Variants in THEMIS observed in about 807,000 individuals in gnomAD.
The protein encoded by THEMIS is thymocyte selection associated.
In THEMIS, 37 loss-of-function variants were observed where a neutral mutation model predicts 52.6. The ratio of observed to expected loss-of-function variants is 0.70; its 90% CI spans 0.54 to 0.93. THEMIS has a LOEUF of 0.93. THEMIS is among the 40% of genes least tolerant of loss of function. THEMIS has a pLI of 0.00. For synonymous variants in THEMIS, 292 were observed against 272.7 expected, an observed-to-expected ratio of 1.07 and a Z score of -0.70; for missense variants, 808 against 763.1, an observed-to-expected ratio of 1.06 and a Z score of -0.69.
chr6:127,700,815 C>T, the THEMIS span, among the ~76,000 whole-genome samples: 1 of 151,886 alleles, frequency 6.6e-6, no homozygotes, highest in Non-Finnish European at 1.5e-5. Flanking sequence ...TCCCTTATGT[C>T]GTTTTTCCTC....
At chr6:127,809,894 C>T (rs1436968524) in intron 4 of THEMIS, among the ~76,000 whole-genome samples, 2 of 150,418 alleles carry the variant, frequency 1.3e-5, no homozygotes, top group Non-Finnish European at 3.0e-5. Context: ...TTCAACTATT[C>T]CTCAAATGAA....
At chr6:127,877,966 T>A (rs1466898778) in intron 1 of THEMIS, among the ~76,000 whole-genome samples, 1 of 152,196 alleles carries the variant, frequency 6.6e-6, no homozygotes, top group African/African-American at 2.4e-5. Flanking sequence ...CTAGTTCTCA[T>A]TTGAGATACA....
intron 4 of THEMIS, among the ~76,000 whole-genome samples, chr6:127,733,626 G>T (rs1397412000): frequency 6.6e-6 from 1 of 152,134 alleles, no homozygotes; most frequent in Non-Finnish European, 1.5e-5. Flanking sequence ...GAGAAAGAAA[G>T]AAACAACCAG....
At chr6:127,727,181 T>A (rs952881640) in intron 4 of THEMIS, among the ~76,000 whole-genome samples, 59 of 152,306 alleles carry the variant, frequency 3.9e-4, no homozygotes, top group African/African-American at 1.3e-3. Flanking sequence ...CCTTATTTTG[T>A]CTTCCTGAAA....
rs191613401 is a variant in THEMIS, at chr6:127,909,411, C to T, written c.-149-8330G>A. The stretch of plus-strand genomic sequence containing the variant: ...TCTCATGATAGTGAGTGAGTTCTCA[C>T]GAGATCTGATGGTTTTATAAGGAGC... On this transcript the variant is annotated intron_variant, in intron 1 of 6. Transcript: ENST00000368250. Among the ~76,000 whole-genome samples, 173 of 152,142 alleles carry T rather than the reference C, an allele frequency of 1.1e-3. 1 individual carries two copies. Among genetic ancestry groups the T allele is most frequent in the African/African-American group, 3.8e-3 (159 of 41,534 alleles).
At chr6:127,787,199 T>A (rs977141708) in intron 4 of THEMIS, among the ~76,000 whole-genome samples, 41 of 152,284 alleles carry the variant, frequency 2.7e-4, no homozygotes, top group Middle Eastern at 3.4e-3. Context: ...GGGTTTTTTT[T>A]AATATATTCT....
chr6:127,865,899 G>C (rs1271387763), intron 1 of THEMIS, among the ~76,000 whole-genome samples: 1 of 151,950 alleles, frequency 6.6e-6, no homozygotes, highest in East Asian at 1.9e-4. Context: ...ATGTTTATTT[G>C]GCAGTGAGGT....
intron 4 of THEMIS, among the ~76,000 whole-genome samples, chr6:127,793,978 C>CA (rs1196279558): frequency 6.6e-6 from 1 of 152,018 alleles, no homozygotes; most frequent in Non-Finnish European, 1.5e-5. Flanking sequence ...CATTTTCCCC[C>CA]AAAAAAGCAT....
intron 4 of THEMIS, among the ~76,000 whole-genome samples, chr6:127,773,394 C>A (rs561568584): frequency 1.3e-5 from 2 of 152,206 alleles, no homozygotes; most frequent in African/African-American, 4.8e-5. Flanking sequence ...AGTATTTGAA[C>A]GTTTTTATCC....
rs532030566 is a variant in THEMIS, at chr6:127,709,879, T to G, written c.*106A>C. 4.0e-5 allele frequency: 38 copies of G among 944,506 alleles called. No individual in the cohort carries two copies. The African/African-American group carries it at 5.9e-4, about 15-fold the overall frequency. 58.5% of individuals were successfully genotyped at this position (944,506 alleles called of 1,614,324 possible). A position where few individuals can be genotyped will look rare whatever the true frequency, so the allele number is the denominator to read the frequency against. ...TTCCTTTGCAGCGATGAATCAAGTT[T>G]CTTCTGGAGTCCATTGGGGAATACT... On this transcript the variant is annotated 3_prime_UTR_variant, in exon 6 of 6. Coordinates refer to ENST00000368248, the MANE Select transcript of THEMIS (RefSeq NM_001010923.3).
intron 1 of THEMIS, among the ~76,000 whole-genome samples, chr6:127,882,285 T>A (rs1481979778): frequency 6.6e-6 from 1 of 151,876 alleles, no homozygotes; most frequent in Admixed American, 6.6e-5. Context: ...TGTGCTCAAT[T>A]ATTTTGCCCA....
chr6:127,700,375 C>CA, the THEMIS span, among the ~76,000 whole-genome samples: 3,602 of 145,948 alleles, frequency 0.025, 149 homozygotes, highest in African/African-American at 0.085. Context: ...TGCACAAAAA[C>CA]AAAAAAAAAA....
intron 4 of THEMIS, among the ~76,000 whole-genome samples, chr6:127,722,091 A>G (rs1774382179): frequency 6.6e-6 from 1 of 151,958 alleles, no homozygotes; most frequent in African/African-American, 2.4e-5. Context: ...CCTGGTGCAA[A>G]CCTCTGGCAC....
upstream of THEMIS, among the ~76,000 whole-genome samples, chr6:127,904,337 C>T (rs1781216481): frequency 6.6e-6 from 1 of 152,018 alleles, no homozygotes; most frequent in African/African-American, 2.4e-5. Context: ...TCTTGCAGAA[C>T]TGGGAAGCCA....
intron 1 of THEMIS, among the ~76,000 whole-genome samples, chr6:127,869,145 T>A (rs1257290295): frequency 1.3e-5 from 2 of 152,198 alleles, no homozygotes; most frequent in Non-Finnish European, 2.9e-5. Context: ...AGTATTGATA[T>A]TTATTAAGCT....
chr6:127,760,771 T>C (rs536680140), intron 4 of THEMIS, among the ~76,000 whole-genome samples: 1 of 152,058 alleles, frequency 6.6e-6, no homozygotes, highest in Non-Finnish European at 1.5e-5. Flanking sequence ...AGTGAGACCC[T>C]GTCTCTTAAA....
At chr6:127,790,549 T>C (rs1777121460) in intron 4 of THEMIS, among the ~76,000 whole-genome samples, 1 of 152,238 alleles carries the variant, frequency 6.6e-6, no homozygotes, top group African/African-American at 2.4e-5. Flanking sequence ...ATTTTGTCTT[T>C]ACAAGCATTC....
At chr6:127,824,638 T>G (rs1000580393) in intron 3 of THEMIS, among the ~76,000 whole-genome samples, 4 of 151,776 alleles carry the variant, frequency 2.6e-5, no homozygotes, top group African/African-American at 9.7e-5. Flanking sequence ...TATTTTGCAG[T>G]GAACGCTTGA....
intron 4 of THEMIS, among the ~76,000 whole-genome samples, chr6:127,779,628 G>T (rs1776678570): frequency 6.6e-6 from 1 of 152,156 alleles, no homozygotes; most frequent in South Asian, 2.1e-4. Flanking sequence ...CTAATGTGGT[G>T]TAGGAAGTGC....
Sources: gnomAD v4.1 joint callset for allele counts (sites outside exome capture counted in the v4.1 genomes callset) on GRCh38, gnomAD v4.1.1 for gene constraint, MANE v1.5 for transcripts, NCBI Gene and HGNC (gene_info 2026-07-23, HGNC 2026-07-21) for gene names.